The following SLC4A8 variants were observed in gnomAD, a reference collection of about 807,000 sequenced individuals.
The protein encoded by SLC4A8 is solute carrier family 4 member 8.
SLC4A8 carries 40 observed loss-of-function variants against 125.0 expected under a neutral mutation model. That is an observed-to-expected ratio of 0.32 (90% CI 0.25 to 0.42). The LOEUF is 0.42. Ranked by LOEUF, SLC4A8 falls within the 10% of genes least tolerant of loss-of-function variation. The pLI is 1.00. For synonymous variants in SLC4A8, 456 were observed against 476.0 expected, an observed-to-expected ratio of 0.96 and a Z score of 0.55; for missense variants, 863 against 1,355.1, an observed-to-expected ratio of 0.64 and a Z score of 5.70.
chr12:51,503,477 C>T (rs1188486093), intron 22 of SLC4A8, among the ~76,000 whole-genome samples: 1 of 152,184 alleles, frequency 6.6e-6, no homozygotes, highest in Non-Finnish European at 1.5e-5. Flanking sequence ...TCCCAAAGTG[C>T]TGGGATTACA....
At position 51,474,415 on chromosome 12, in the gene SLC4A8, G is replaced by C. The variant is rs750465248; in HGVS notation, c.1978G>C (p.Ala660Pro). The C allele has an allele frequency of 2.4e-5, 39 of 1,613,550 alleles. No homozygotes were observed. In the South Asian group the frequency reaches 4.2e-4, roughly 17 times the overall value. The change falls in exon 15 of 25, where the codon GCA (alanine) becomes CCA (proline). Residue 660 changes from alanine to proline, a missense_variant. Physicochemically the swap from Ala to Pro is conservative, Grantham distance 27. Coordinates refer to ENST00000453097, the MANE Select transcript of SLC4A8 (RefSeq NM_001039960.3). ...QYWKDHNIVT[A>P]EVHWANLTVS... ...CTGGAAGGACCACAACATCGTGACA[G>C]CAGAAGTCCACTGGGCTAACCTGAC...
At chr12:51,419,609 TCTC>T (rs1165631964) in intron 1 of SLC4A8, among the ~76,000 whole-genome samples, 1 of 152,224 alleles carries the variant, frequency 6.6e-6, no homozygotes, top group African/African-American at 2.4e-5. Flanking sequence ...CTACAGCTTT[TCTC>T]CTCCAGGGCC....
intron 1 of SLC4A8, among the ~76,000 whole-genome samples, chr12:51,393,638 G>A (rs956084644): frequency 6.6e-6 from 1 of 152,176 alleles, no homozygotes; most frequent in African/African-American, 2.4e-5. Context: ...AAGAAGAGTT[G>A]CCCAGCTACA....
At chr12:51,451,078 GA>G in intron 3 of SLC4A8, 56 bp downstream of exon 3, 1 of 1,347,068 alleles carries the variant, frequency 7.4e-7, no homozygotes, top group Non-Finnish European at 9.7e-7. Flanking sequence ...TGGGGAGGCT[GA>G]GGGGACATGT....
At chr12:51,462,513 G>A in intron 10 of SLC4A8, 57 bp downstream of exon 10, 1 of 1,437,140 alleles carries the variant, frequency 7.0e-7, no homozygotes, top group East Asian at 2.4e-5. Context: ...GCCCACCATG[G>A]ACAAAGCAAA....
intron 1 of SLC4A8, among the ~76,000 whole-genome samples, chr12:51,438,976 T>C (rs1175203865): frequency 2.6e-5 from 4 of 152,212 alleles, no homozygotes; most frequent in Admixed American, 6.5e-5. Flanking sequence ...AGCACTGTTA[T>C]GTGAAAAGTC....
chr12:51,447,494 G>A (rs1190694869), intron 2 of SLC4A8, among the ~76,000 whole-genome samples: 1 of 152,078 alleles, frequency 6.6e-6, no homozygotes, highest in Admixed American at 6.5e-5. Flanking sequence ...GAATAAGTGA[G>A]CCAAGCCAGT....
chr12:51,405,988 A>C (rs987418470), intron 1 of SLC4A8, among the ~76,000 whole-genome samples: 45 of 152,232 alleles, frequency 3.0e-4, no homozygotes, highest in African/African-American at 1.1e-3. Context: ...GGCATTAAAC[A>C]AATTGGACTG....
chr12:51,499,958 A>G (rs889883390), intron 22 of SLC4A8, among the ~76,000 whole-genome samples: 3 of 152,120 alleles, frequency 2.0e-5, no homozygotes, highest in Non-Finnish European at 2.9e-5. Context: ...AGCTCAGGCA[A>G]TAGGGGAGGG....
chr12:51,439,934 G>A (rs375905537), intron 1 of SLC4A8, among the ~76,000 whole-genome samples: 3 of 152,274 alleles, frequency 2.0e-5, no homozygotes, highest in East Asian at 3.9e-4. Context: ...GCATCCTAGT[G>A]GCTTATCAAT....
intron 1 of SLC4A8, among the ~76,000 whole-genome samples, chr12:51,397,267 T>C (rs1355481157): frequency 6.6e-6 from 1 of 152,208 alleles, no homozygotes; most frequent in African/African-American, 2.4e-5. Flanking sequence ...GATCATCACT[T>C]GGTCAAGGGA....
chr12:51,480,264 G>A (rs762208837), intron 16 of SLC4A8: 2 of 1,268,724 alleles, frequency 1.6e-6, no homozygotes, highest in Non-Finnish European at 2.0e-6. Context: ...TGAGAGTTGG[G>A]AAAAACTGGA....
At chr12:51,478,807 C>G (rs1470784610) in intron 16 of SLC4A8, among the ~76,000 whole-genome samples, 1 of 152,200 alleles carries the variant, frequency 6.6e-6, no homozygotes, top group African/African-American at 2.4e-5. Flanking sequence ...AATCAGGATT[C>G]TGGTTGTGAC....
chr12:51,457,304 T>C (rs1950180298), intron 5 of SLC4A8, 47 bp from the exon 6 acceptor site: 1 of 1,563,294 alleles, frequency 6.4e-7, no homozygotes, highest in Non-Finnish European at 8.8e-7. Context: ...CCTTCTTGGG[T>C]TCATTAACCC....
chr12:51,400,776 A>G (rs1373523135), intron 1 of SLC4A8, among the ~76,000 whole-genome samples: 2,078 of 5,086 alleles, frequency 0.41, 328 homozygotes, highest in Non-Finnish European at 0.47. Context: ...ATATATATAT[A>G]TACATACATA....
chr12:51,470,469 C>T lies in SLC4A8; in HGVS notation c.1602C>T (p.Ile534=), dbSNP rs772286508. ...TGTTTGCGGGACAGGCTCTCACCAT[C>T]CTGGGAAGTACTGGACCAGTGCTTG... ...YSLFAGQALT[I]LGSTGPVLVF... is the part of the protein sequence containing the mutation. Residue 534 remains isoleucine, a synonymous_variant, in exon 13 of 25, where the codon ATC becomes ATT. Coordinates refer to ENST00000453097, the MANE Select transcript of SLC4A8 (RefSeq NM_001039960.3). 4 of 1,613,448 alleles carry T rather than the reference C, an allele frequency of 2.5e-6. No homozygotes were observed. In the South Asian group the frequency reaches 4.4e-5, roughly 18 times the overall value.
chr12:51,476,288 C>G (rs1418833727), intron 16 of SLC4A8, among the ~76,000 whole-genome samples: 1 of 152,106 alleles, frequency 6.6e-6, no homozygotes, highest in Non-Finnish European at 1.5e-5. Flanking sequence ...TTGATACCAG[C>G]CTGGCCAACA....
chr12:51,460,407 A>G (rs570189714), intron 8 of SLC4A8, among the ~76,000 whole-genome samples: 20 of 152,066 alleles, frequency 1.3e-4, no homozygotes, highest in African/African-American at 4.8e-4. Context: ...TAAAAAAAAA[A>G]TCAGCAGTAA....
At chr12:51,424,650 G>A, upstream of SLC4A8, 1 of 342,080 alleles carries the variant, frequency 2.9e-6, no homozygotes, top group Middle Eastern at 7.8e-4. Context: ...GGACCTTCAC[G>A]CCCAGAGGCC....
Sources: gnomAD v4.1 joint callset for allele counts (sites outside exome capture counted in the v4.1 genomes callset) on GRCh38, gnomAD v4.1.1 for gene constraint, MANE v1.5 for transcripts, NCBI Gene and HGNC (gene_info 2026-07-23, HGNC 2026-07-21) for gene names.